Variants in PTTG1IP2 observed in about 807,000 individuals in gnomAD.
The protein encoded by PTTG1IP2 is PTTG1IP family member 2.
chr7:90,505,420 TAAAAAGG>T (rs1798112972), intron 6 of PTTG1IP2, among the ~76,000 whole-genome samples: 1 of 152,164 alleles, frequency 6.6e-6, no homozygotes. Context: ...CCCAAATAAT[TAAAAAGG>T]TAGAATTAAA....
chr7:90,509,272 A>C (rs1798158454), intron 6 of PTTG1IP2, among the ~76,000 whole-genome samples: 1 of 152,108 alleles, frequency 6.6e-6, no homozygotes, highest in Non-Finnish European at 1.5e-5. Context: ...ACTGCTAGGC[A>C]TTAAATTGAG....
rs140865536 is a variant in PTTG1IP2, at chr7:90,498,492, T to C, written c.*50+4062T>C. 7.0e-3 allele frequency among the ~76,000 whole-genome samples: 1,072 copies of C among 152,170 alleles called. 4 individuals are homozygous for C. Among genetic ancestry groups the C allele is most frequent in the Non-Finnish European group, 0.012 (811 of 67,998 alleles). ...GATGGAAGAAGATATTCAACACAAA[T>C]TGAAACCAAAAGAGAGCAGGGGTAG... On this transcript the variant is annotated intron_variant, in intron 6 of 6. Coordinates refer to ENST00000509356, the MANE Select transcript of PTTG1IP2 (RefSeq NM_001365443.2).
chr7:90,493,911 G>T (rs547254433), intron 5 of PTTG1IP2, among the ~76,000 whole-genome samples: 11 of 152,282 alleles, frequency 7.2e-5, no homozygotes, highest in African/African-American at 1.9e-4. Context: ...GAATAAACAG[G>T]CTTCTGATTG....
At chr7:90,488,992 T>C (rs1562986443) in intron 4 of PTTG1IP2, 28 bp downstream of exon 4, 1 of 151,920 alleles carries the variant, frequency 6.6e-6, no homozygotes, top group East Asian at 1.9e-4. Flanking sequence ...TTATTAAGAA[T>C]GCACTTTGGG....
Position 90,498,030 on chromosome 7 carries a change from C to T in PTTG1IP2, c.*50+3600C>T, listed in dbSNP as rs1283581440. Among the ~76,000 whole-genome samples, 3 of 150,748 alleles carry T rather than the reference C, an allele frequency of 2.0e-5. No homozygotes were observed. In the Admixed American group the frequency reaches 2.0e-4, roughly 10 times the overall value. ...TATATCCTCTTGATGAATGAACCCC[C>T]CCTTTTTTTTTTTGAGATGGAGTCT... On this transcript the variant is annotated intron_variant, in intron 6 of 6. Transcript: ENST00000509356.
intron 6 of PTTG1IP2, among the ~76,000 whole-genome samples, chr7:90,503,029 C>T (rs1798077060): frequency 6.6e-6 from 1 of 152,180 alleles, no homozygotes; most frequent in African/African-American, 2.4e-5. Flanking sequence ...TATTGAGAAT[C>T]TATTTTTTAG....
chr7:90,491,544 A>G (rs1467632870), intron 4 of PTTG1IP2, among the ~76,000 whole-genome samples: 1 of 151,874 alleles, frequency 6.6e-6, no homozygotes, highest in Non-Finnish European at 1.5e-5. Flanking sequence ...AATCGCTTGA[A>G]TTTTGGAGGC....
intron 2 of PTTG1IP2, among the ~76,000 whole-genome samples, chr7:90,483,184 T>G (rs554918039): frequency 2.8e-4 from 42 of 152,160 alleles, no homozygotes; most frequent in Non-Finnish European, 4.9e-4. Flanking sequence ...ACCAGTATCG[T>G]GGATTATTTC....
At chr7:90,478,166 T>C (rs1797773946) in intron 1 of PTTG1IP2, among the ~76,000 whole-genome samples, 1 of 151,342 alleles carries the variant, frequency 6.6e-6, no homozygotes, top group African/African-American at 2.4e-5. Context: ...AGGAACTCCC[T>C]GTAGAATCTT....
intron 6 of PTTG1IP2, among the ~76,000 whole-genome samples, chr7:90,510,511 G>A (rs1452619959): frequency 1.3e-5 from 2 of 152,166 alleles, no homozygotes; most frequent in African/African-American, 4.8e-5. Context: ...GTGTGTGTGT[G>A]TGTGCACGCA....
chr7:90,476,706 A>C (rs1434801873), intron 1 of PTTG1IP2, among the ~76,000 whole-genome samples: 1 of 152,216 alleles, frequency 6.6e-6, no homozygotes, highest in South Asian at 2.1e-4. Flanking sequence ...CCATATTGAC[A>C]TGTAGTACAG....
intron 6 of PTTG1IP2, among the ~76,000 whole-genome samples, chr7:90,509,375 G>A (rs1798159457): frequency 6.6e-6 from 1 of 152,076 alleles, no homozygotes; most frequent in East Asian, 1.9e-4. Flanking sequence ...GGCAAGTCCT[G>A]GTGATCATTT....
intron 6 of PTTG1IP2, among the ~76,000 whole-genome samples, chr7:90,495,860 G>A (rs1797985488): frequency 6.6e-6 from 1 of 152,176 alleles, no homozygotes; most frequent in Non-Finnish European, 1.5e-5. Flanking sequence ...AACACCCAAT[G>A]TTGCAAGGGA....
intron 1 of PTTG1IP2, among the ~76,000 whole-genome samples, chr7:90,470,963 C>CAAAAAAAAAAAAAAAAAAAAAAA (rs5885726): frequency 9.2e-6 from 1 of 108,110 alleles, no homozygotes; most frequent in Admixed American, 9.0e-5. Flanking sequence ...TGATGAAGAA[C>CAAAAAAAAAAAAAAAAAAAAAAA]AAAAAAAAAA....
At chr7:90,478,534 A>G (rs1368675670) in intron 1 of PTTG1IP2, among the ~76,000 whole-genome samples, 1 of 152,200 alleles carries the variant, frequency 6.6e-6, no homozygotes, top group Non-Finnish European at 1.5e-5. Flanking sequence ...TTAAATAGAA[A>G]GATTTGACCT....
Position 90,497,330 on chromosome 7 carries a change from C to T in PTTG1IP2, c.*50+2900C>T, listed in dbSNP as rs185452239. On this transcript the variant is annotated intron_variant, in intron 6 of 6. Coordinates refer to ENST00000509356, the MANE Select transcript of PTTG1IP2 (RefSeq NM_001365443.2). ...CTGTAATCCCAACACTTTGGGAAGC[C>T]GAGGCAGGCGGATCACGAGGTCAGG... Among the ~76,000 whole-genome samples the T allele has an allele frequency of 3.2e-3, 487 of 152,046 alleles. 3 individuals are homozygous for T. In the East Asian group the frequency reaches 0.038, roughly 12 times the overall value.
Position 90,493,769 on chromosome 7 carries a change from A to G in PTTG1IP2, c.452-598A>G, listed in dbSNP as rs183908488. Among the ~76,000 whole-genome samples the G allele has an allele frequency of 1.9e-3, 288 of 152,346 alleles. 5 individuals are homozygous for G. The highest frequency in any genetic ancestry group is 1.9e-3 in the Non-Finnish European group (127 of 68,014). The stretch of plus-strand genomic sequence containing the variant: ...TGAAAAAGTGGGAGACTGCAGTGTC[A>G]TAGACATCAAGAGAAAGGGGTCTGA... On this transcript the variant is annotated intron_variant, in intron 5 of 6. Transcript: ENST00000509356.
At chr7:90,505,223 C>A (rs1798110167) in intron 6 of PTTG1IP2, among the ~76,000 whole-genome samples, 1 of 152,170 alleles carries the variant, frequency 6.6e-6, no homozygotes, top group Non-Finnish European at 1.5e-5. Flanking sequence ...GTATTCGATG[C>A]CTTTTCAGAA....
Position 90,503,981 on chromosome 7 carries a change from T to G in PTTG1IP2, c.*51-9297T>G, listed in dbSNP as rs142805301. ...TAAATTGAAGTGCAATAAAATAAGA[T>G]ATGCCTATAATTGAAAAATGGGATG... On this transcript the variant is annotated intron_variant, in intron 6 of 6. Coordinates refer to ENST00000509356, the MANE Select transcript of PTTG1IP2 (RefSeq NM_001365443.2). 3.3e-5 allele frequency among the ~76,000 whole-genome samples: 5 copies of G among 152,218 alleles called. No individual in the cohort carries two copies. The East Asian group carries it at 9.6e-4, about 29-fold the overall frequency.
Sources: gnomAD v4.1 joint callset for allele counts (sites outside exome capture counted in the v4.1 genomes callset) on GRCh38, gnomAD v4.1.1 for gene constraint, MANE v1.5 for transcripts, NCBI Gene and HGNC (gene_info 2026-07-23, HGNC 2026-07-21) for gene names.